Variants in CALCRL observed in about 807,000 individuals in gnomAD.
The protein encoded by CALCRL is calcitonin gene-related peptide type 1 receptor.
CALCRL carries 27 observed loss-of-function variants against 60.4 expected under a neutral mutation model. The observed-to-expected ratio is 0.45, with a 90% confidence interval of 0.33 to 0.62. The LOEUF (loss-of-function observed/expected upper bound fraction) is 0.62, where lower values mean the gene tolerates loss of function less well. Ranked by LOEUF, CALCRL falls within the 20% of genes least tolerant of loss-of-function variation. CALCRL has a pLI of 0.03. For missense variants in CALCRL, 424 were observed against 540.7 expected, an observed-to-expected ratio of 0.78 and a Z score of 2.14; for synonymous variants, 190 against 182.6, an observed-to-expected ratio of 1.04 and a Z score of -0.33.
chr2:187,399,900 C>T (rs371038575), intron 1 of CALCRL, among the ~76,000 whole-genome samples: 49 of 151,282 alleles, frequency 3.2e-4, no homozygotes, highest in African/African-American at 1.1e-3. Context: ...AAAAGTTGAT[C>T]TCATAGAAGT....
chr2:187,394,091 G>A (rs974463916), intron 1 of CALCRL, among the ~76,000 whole-genome samples: 1 of 151,954 alleles, frequency 6.6e-6, no homozygotes, highest in Admixed American at 6.6e-5. Context: ...AAGGGTGAAG[G>A]GTCAAAGAGA....
intron 12 of CALCRL, among the ~76,000 whole-genome samples, chr2:187,358,111 G>T (rs1332269102): frequency 1.3e-5 from 2 of 152,068 alleles, no homozygotes; most frequent in Admixed American, 6.6e-5. Context: ...AGCAGTTGTG[G>T]AGGCCACGGC....
chr2:187,381,411 TA>T (rs1687980070), intron 5 of CALCRL, among the ~76,000 whole-genome samples: 1 of 152,156 alleles, frequency 6.6e-6, no homozygotes, highest in South Asian at 2.1e-4. Flanking sequence ...GTAGGTAAAT[TA>T]ACCGACCAAT....
chr2:187,394,091 G>T (rs974463916), intron 1 of CALCRL, among the ~76,000 whole-genome samples: 5 of 151,954 alleles, frequency 3.3e-5, no homozygotes, highest in African/African-American at 1.2e-4. Flanking sequence ...AAGGGTGAAG[G>T]GTCAAAGAGA....
intron 1 of CALCRL, among the ~76,000 whole-genome samples, chr2:187,405,031 C>G (rs1689057560): frequency 6.6e-6 from 1 of 151,918 alleles, no homozygotes. Flanking sequence ...GGAATGCAGG[C>G]AGAAACCTAA....
intron 1 of CALCRL, among the ~76,000 whole-genome samples, chr2:187,411,940 C>G (rs1689379050): frequency 1.5e-5 from 2 of 136,602 alleles, no homozygotes; most frequent in Admixed American, 1.6e-4. Flanking sequence ...AGCTTGCAGA[C>G]TGCACTCCAG....
chr2:187,360,773 C>A, intron 9 of CALCRL, 22 bp from the exon 10 acceptor site: 1 of 1,583,638 alleles, frequency 6.3e-7, no homozygotes, highest in Non-Finnish European at 8.5e-7. Flanking sequence ...AAAAAAACCC[C>A]AATATTTACT....
intron 4 of CALCRL, 97 bp from the exon 5 acceptor site, chr2:187,383,402 C>CGGT (rs1688063496): frequency 1.0e-6 from 1 of 956,602 alleles, no homozygotes; most frequent in African/African-American, 1.7e-5. Flanking sequence ...ACAGCAAGTG[C>CGGT]GGTGATGTAC....
chr2:187,403,304 T>C (rs1021926157), intron 1 of CALCRL, among the ~76,000 whole-genome samples: 7 of 151,824 alleles, frequency 4.6e-5, no homozygotes, highest in Admixed American at 2.6e-4. Flanking sequence ...TTCCAATCAC[T>C]ACTATAGAGA....
chr2:187,429,691 A>G (rs578067364), intron 1 of CALCRL, among the ~76,000 whole-genome samples: 1 of 152,178 alleles, frequency 6.6e-6, no homozygotes, highest in Non-Finnish European at 1.5e-5. Flanking sequence ...GTGAATTTAC[A>G]CCTTAAACTG....
intron 1 of CALCRL, among the ~76,000 whole-genome samples, chr2:187,430,268 A>G (rs1690344634): frequency 6.6e-6 from 1 of 152,180 alleles, no homozygotes; most frequent in African/African-American, 2.4e-5. Context: ...TAGAGGATCT[A>G]TTTTTGGGTC....
rs182290764 is a variant in CALCRL at position 187,344,522 on chromosome 2, G to A, written c.*1662C>T. 565 of 151,532 alleles carry A rather than the reference G, an allele frequency of 3.7e-3. 5 individuals are homozygous for A. The highest frequency in any genetic ancestry group is 0.013 in the African/African-American group (534 of 41,454). 9.4% of individuals were successfully genotyped at this position (151,532 alleles called of 1,614,324 possible). ...ATTCTTGTTCTTTAGAGATTTCAGC[G>A]GAAAATAACATTAGAGAAACTGAAT... On this transcript the variant is annotated 3_prime_UTR_variant, in exon 15 of 15. Transcript: ENST00000392370.
At chr2:187,361,848 A>G (rs1440746446) in intron 9 of CALCRL, among the ~76,000 whole-genome samples, 1 of 151,934 alleles carries the variant, frequency 6.6e-6, no homozygotes, top group Non-Finnish European at 1.5e-5. Flanking sequence ...TCCTAACTAA[A>G]GGATATTTGT....
At chr2:187,384,986 A>C (rs754883859) in intron 4 of CALCRL, among the ~76,000 whole-genome samples, 1 of 152,134 alleles carries the variant, frequency 6.6e-6, no homozygotes, top group Non-Finnish European at 1.5e-5. Context: ...CTTGGGCCCC[A>C]TATCCCCATT....
intron 1 of CALCRL, among the ~76,000 whole-genome samples, chr2:187,393,221 G>A (rs144377630): frequency 2.0e-5 from 3 of 152,028 alleles, no homozygotes; most frequent in Admixed American, 6.6e-5. Context: ...CACAAAGGAC[G>A]CTCTGGAACA....
chr2:187,371,128 C>T (rs913155667), intron 8 of CALCRL, among the ~76,000 whole-genome samples: 1 of 151,976 alleles, frequency 6.6e-6, no homozygotes, highest in Non-Finnish European at 1.5e-5. Context: ...TGCATAGTCC[C>T]AGCTACTCAG....
At chr2:187,429,673 G>GA (rs1430944760) in intron 1 of CALCRL, among the ~76,000 whole-genome samples, 1 of 152,070 alleles carries the variant, frequency 6.6e-6, no homozygotes, top group Non-Finnish European at 1.5e-5. Flanking sequence ...TTTCTTGCTA[G>GA]AATTGAAGTG....
At chr2:187,392,845 A>T (rs1458040244) in intron 1 of CALCRL, among the ~76,000 whole-genome samples, 1 of 152,114 alleles carries the variant, frequency 6.6e-6, no homozygotes, top group African/African-American at 2.4e-5. Context: ...TTGGGATTAC[A>T]GGCTTGAGCT....
At chr2:187,418,210 GA>G (rs558410730) in intron 1 of CALCRL, among the ~76,000 whole-genome samples, 29 of 151,804 alleles carry the variant, frequency 1.9e-4, no homozygotes, top group African/African-American at 6.8e-4. Flanking sequence ...GTCATTAAAA[GA>G]AAAAAAATTG....
Sources: allele counts gnomAD v4.1 joint callset (sites outside exome capture counted in the v4.1 genomes callset), GRCh38; gene constraint gnomAD v4.1.1; transcripts MANE v1.5; gene names NCBI Gene and HGNC (gene_info 2026-07-23, HGNC 2026-07-21).